The following HNRNPDL variants were observed in gnomAD, a reference collection of about 807,000 sequenced individuals.
HNRNPDL encodes the protein heterogeneous nuclear ribonucleoprotein D like.
In HNRNPDL, 18 loss-of-function variants were observed where a neutral mutation model predicts 48.0. That is an observed-to-expected ratio of 0.38 (90% CI 0.26 to 0.56). The LOEUF is 0.56. HNRNPDL is among the 20% of genes least tolerant of loss of function. The pLI is 0.77. For synonymous variants in HNRNPDL, 306 were observed against 207.3 expected, an observed-to-expected ratio of 1.48 and a Z score of -4.09; for missense variants, 553 against 540.7, an observed-to-expected ratio of 1.02 and a Z score of -0.23.
chr4:82,429,632 G>C lies in HNRNPDL; in HGVS notation c.59C>G (p.Ala20Gly). Residue 20 changes from alanine to glycine, a missense_variant, in exon 1 of 8, where the codon GCT becomes GGT. Around this residue, in one of 4 missense-constraint regions of HNRNPDL, gnomAD observed 327 missense variants for 203.2 expected, o/e 1.61. Transcript: ENST00000295470. ...GGAGAGGCTGCGGGAGGCTAAAGTA[G>C]CGGGAGCGGAGGGGAACAATGGCGG... The part of the protein sequence containing the change: ...VPPPLFPSAP[A>G]TLASRSLSHW... 2 of 1,374,986 alleles carry C rather than the reference G, an allele frequency of 1.5e-6. No homozygotes were observed. Among genetic ancestry groups the C allele is most frequent in the Non-Finnish European group, 1.9e-6 (2 of 1,066,272 alleles). 85.2% of individuals were successfully genotyped at this position (1,374,986 alleles called of 1,614,324 possible). A position where few individuals can be genotyped will look rare whatever the true frequency, so the allele number is the denominator to read the frequency against.
chr4:82,429,233 A>T lies in HNRNPDL; in HGVS notation c.443+15T>A, dbSNP rs779936262. ...GCGCTGGGGGAGGGGGAGCGGGGGA[A>T]GAAGCGTGCGGTACCCGTCATCCTG... On this transcript the variant is annotated intron_variant, in intron 1 of 7. Transcript: ENST00000295470. The T allele has an allele frequency of 3.7e-5, 59 of 1,611,300 alleles. No homozygotes were observed. The highest frequency in any genetic ancestry group is 4.8e-5 in the Non-Finnish European group (56 of 1,178,464).
At position 82,427,922 on chromosome 4, in the gene HNRNPDL, C is replaced by T. The variant is rs928924082; in HGVS notation, c.774+96G>A. On this transcript the variant is annotated intron_variant, in intron 3 of 7. Transcript: ENST00000295470. The stretch of plus-strand genomic sequence containing the variant: ...ACTTGAGCAGTCATTTAATTCTACT[C>T]TTACAGGAAACATGAATCTGCCCTG... The T allele has an allele frequency of 4.9e-5, 60 of 1,217,272 alleles. No homozygotes were observed. The East Asian group carries it at 1.2e-3, about 25-fold the overall frequency. The allele number at this position is 1,217,272 out of a possible 1,614,324, so 75.4% of individuals were successfully genotyped here. A position where few individuals can be genotyped will look rare whatever the true frequency, so the allele number is the denominator to read the frequency against.
intron 7 of HNRNPDL, 85 bp downstream of exon 7, chr4:82,425,952 G>A: frequency 1.1e-6 from 1 of 893,028 alleles, no homozygotes; most frequent in South Asian, 1.4e-5. Flanking sequence ...AGGCTACATA[G>A]TATTTTGTTT....
At chr4:82,427,144 C>A in intron 5 of HNRNPDL, 46 bp downstream of exon 5, 1 of 1,241,168 alleles carries the variant, frequency 8.1e-7, no homozygotes, top group South Asian at 1.2e-5. Flanking sequence ...CAGCAGTATA[C>A]AGCTTAAATA....
rs1247492921 is a variant in HNRNPDL at position 82,427,440 on chromosome 4, G to A, written c.899C>T (p.Ser300Phe). ...LLESRYHQIG[S>F]GKCEIKVAQP... ...GTGCTTAAATGGCTTTACCTTCCCA[G>A]AACCAATTTGATGGTATCTGCTTTC... The change falls in exon 4 of 8, where the codon TCT (serine) becomes TTT (phenylalanine). Residue 300 changes from serine to phenylalanine, a missense_variant. By Grantham distance (155) the Ser-to-Phe change is radical. Transcript: ENST00000295470. 6.9e-6 allele frequency: 11 copies of A among 1,601,780 alleles called. No homozygotes were observed. The highest frequency in any genetic ancestry group is 8.5e-6 in the Non-Finnish European group (10 of 1,176,650).
Position 82,424,150 on chromosome 4 carries a change from T to C in HNRNPDL, c.*756A>G, listed in dbSNP as rs936947555. The C allele has an allele frequency of 3.9e-5, 6 of 152,254 alleles. No individual in the cohort carries two copies. Among genetic ancestry groups the C allele is most frequent in the Admixed American group, 2.0e-4 (3 of 15,292 alleles). The allele number at this position is 152,254 out of a possible 1,614,324, so 9.4% of individuals were successfully genotyped here. ...TACCAGTTTTACAGTGCTCCTTTTG[T>C]ATCTGAACTTTTATCAAGAATTACT... On this transcript the variant is annotated 3_prime_UTR_variant, in exon 8 of 8. Coordinates refer to ENST00000295470, the MANE Select transcript of HNRNPDL (RefSeq NM_031372.4).
At position 82,423,983 on chromosome 4, in the gene HNRNPDL, A is replaced by G. The variant is rs551179434; in HGVS notation, c.*923T>C. The G allele has an allele frequency of 7.2e-5, 11 of 152,320 alleles. No individual in the cohort carries two copies. The East Asian group carries it at 1.5e-3, about 21-fold the overall frequency. The allele number at this position is 152,320 out of a possible 1,614,324, so 9.4% of individuals were successfully genotyped here. On this transcript the variant is annotated 3_prime_UTR_variant, in exon 8 of 8. Transcript: ENST00000295470. ...TCCTCAGGATGCCCAAACAGAAAAC[A>G]TTTTGTTCAATCTTGTGGCGGCTCT...
Position 82,426,468 on chromosome 4 carries a change from T to C in HNRNPDL, c.1187A>G (p.Tyr396Cys), listed in dbSNP as rs771727801. 1 of 1,608,578 alleles carries C rather than the reference T, an allele frequency of 6.2e-7. No individual in the cohort carries two copies. Among genetic ancestry groups the C allele is most frequent in the Non-Finnish European group, 8.5e-7 (1 of 1,175,404 alleles). The change falls in exon 6 of 8, where the codon TAC becomes TGC. Residue 396 changes from tyrosine (Y) to cysteine (C), a missense_variant. Around this residue, in one of 4 missense-constraint regions of HNRNPDL, gnomAD observed 174 missense variants for 204.6 expected, o/e 0.85. Transcript: ENST00000295470. Reference sequence around the variant, plus strand: ...ATTAAGTTAAATATTCTTACCACTGTAGTCTGCATATCCCTGTCCATATCC... The same window carrying C: ...ATTAAGTTAAATATTCTTACCACTGCAGTCTGCATATCCCTGTCCATATCC... ...NYGYGQGYAD[Y>C]SGQQSTYGKA...
Position 82,423,134 on chromosome 4 carries a change from A to T in HNRNPDL, c.*1772T>A, listed in dbSNP as rs574046440. 8 of 152,318 alleles carry T rather than the reference A, an allele frequency of 5.3e-5. No individual in the cohort carries two copies. The highest frequency in any genetic ancestry group is 1.9e-4 in the African/African-American group (8 of 41,568). The allele number at this position is 152,318 out of a possible 1,614,324, so 9.4% of individuals were successfully genotyped here. ...CACTCCCCCTTCAATTCTTTGCAAA[A>T]CATCTCAATCATCTCTAGATGTAGT... On this transcript the variant is annotated 3_prime_UTR_variant, in exon 8 of 8. Coordinates refer to ENST00000295470, the MANE Select transcript of HNRNPDL (RefSeq NM_031372.4).
chr4:82,428,403 C>CT lies in HNRNPDL; in HGVS notation c.486dup (p.Asp163ArgfsTer18). On this transcript the variant is annotated frameshift_variant, in exon 2 of 8. Coordinates refer to ENST00000295470, the MANE Select transcript of HNRNPDL (RefSeq NM_031372.4). LOFTEE classifies it high-confidence loss of function. ...AATCGAGACAAGTACTCTGTCAGAT[C>CT]TTTTTTGCTTGTATCCCAGCTCAAG... 1 of 1,612,412 alleles carries CT rather than the reference C, an allele frequency of 6.2e-7. No homozygotes were observed. Among genetic ancestry groups the CT allele is most frequent in the Non-Finnish European group, 8.5e-7 (1 of 1,178,654 alleles).
chr4:82,429,296 A>C lies in HNRNPDL; in HGVS notation c.395T>G (p.Phe132Cys). The C allele has an allele frequency of 6.2e-7, 1 of 1,613,804 alleles. No individual in the cohort carries two copies. Among genetic ancestry groups the C allele is most frequent in the Non-Finnish European group, 8.5e-7 (1 of 1,179,914 alleles). Residue 132 changes from phenylalanine to cysteine, a missense_variant, in exon 1 of 8, where the codon TTC becomes TGC. Phe to Cys is a radical substitution (Grantham distance 205). Transcript: ENST00000295470. ...CGCGTTGATCTTGGATCCCTCTGCG[A>C]ATTCCTCTATATTGCTGTACTCGTT... is the stretch of plus-strand genomic sequence containing the variant. ...DMNEYSNIEE[F>C]AEGSKINASK...
At chr4:82,429,217 G>C (rs773326362) in intron 1 of HNRNPDL, 31 bp downstream of exon 1, 36 of 1,601,236 alleles carry the variant, frequency 2.2e-5, no homozygotes, top group Non-Finnish European at 2.8e-5. Flanking sequence ...CGCGCTGGGG[G>C]AGGGGGAGCG....
At chr4:82,427,639 T>A in intron 3 of HNRNPDL, 75 bp from the exon 4 acceptor site, 1 of 1,393,402 alleles carries the variant, frequency 7.2e-7, no homozygotes. Context: ...AAAGGCCTTT[T>A]CAGGCTTCAA....
chr4:82,425,952 G>GTATT (rs1374926414), intron 7 of HNRNPDL, 85 bp downstream of exon 7: 15 of 892,910 alleles, frequency 1.7e-5, no homozygotes, highest in Non-Finnish European at 2.2e-5. Flanking sequence ...AGGCTACATA[G>GTATT]TATTTTGTTT....
chr4:82,427,231 G>A lies in HNRNPDL; in HGVS notation c.980C>T (p.Ala327Val), dbSNP rs751792376. ...CGTACCACCTCGTCCACCAGCTGCA[G>A]CACCTCTTCCACCTTTTTGTTGTTG... ...QQQQQKGGRGAAAGGRGGTRG... is the reference protein window; with the variant it reads ...QQQQQKGGRGVAAGGRGGTRG... The change falls in exon 5 of 8, where the codon GCT (alanine) becomes GTT (valine). Residue 327 changes from alanine to valine, a missense_variant. Around this residue, in one of 4 missense-constraint regions of HNRNPDL, gnomAD observed 174 missense variants for 204.6 expected, o/e 0.85. Transcript: ENST00000295470. 2.5e-6 allele frequency: 4 copies of A among 1,613,744 alleles called. No individual in the cohort carries two copies. The African/African-American group carries it at 5.3e-5, about 22-fold the overall frequency.
chr4:82,428,928 G>T (rs886273389), intron 1 of HNRNPDL, among the ~76,000 whole-genome samples: 2 of 152,220 alleles, frequency 1.3e-5, no homozygotes, highest in African/African-American at 4.8e-5. Flanking sequence ...GAGACACAAT[G>T]AAGAGGCGGC....
intron 3 of HNRNPDL, among the ~76,000 whole-genome samples, chr4:82,427,771 C>T (rs1721479542): frequency 6.6e-6 from 1 of 152,284 alleles, no homozygotes; most frequent in African/African-American, 2.4e-5. Flanking sequence ...TTATTTTGTA[C>T]CCAAAGATGC....
At position 82,426,592 on chromosome 4, in the gene HNRNPDL, C is replaced by T; in HGVS notation, c.1063G>A (p.Asp355Asn). 6.2e-7 allele frequency: 1 copy of T among 1,613,762 alleles called. No homozygotes were observed. The highest frequency in any genetic ancestry group is 8.5e-7 in the Non-Finnish European group (1 of 1,179,832). ...CTATTGTAATTTCCATATCCTTGATCATAATAGTTATTAAATCCTTGGTTC... is the reference window on the plus strand; with the variant it reads ...CTATTGTAATTTCCATATCCTTGATTATAATAGTTATTAAATCCTTGGTTC... ...NWNQGFNNYY[D>N]QGYGNYNSAY... Residue 355 changes from aspartate to asparagine, a missense_variant, in exon 6 of 8, where the codon GAT becomes AAT. Asp to Asn is a conservative substitution (Grantham distance 23). Transcript: ENST00000295470.
chr4:82,423,246 A>G lies in HNRNPDL; in HGVS notation c.*1660T>C, dbSNP rs929463341. On this transcript the variant is annotated 3_prime_UTR_variant, in exon 8 of 8. Coordinates refer to ENST00000295470, the MANE Select transcript of HNRNPDL (RefSeq NM_031372.4). Reference sequence around the variant, plus strand: ...GCTTTATTCATTTTTTGATCAGGGAAAAGGACAATCTCAATGTCAACTCGT... The same window carrying G: ...GCTTTATTCATTTTTTGATCAGGGAGAAGGACAATCTCAATGTCAACTCGT... The G allele has an allele frequency of 2.6e-5, 4 of 152,206 alleles. No individual in the cohort carries two copies. The highest frequency in any genetic ancestry group is 6.5e-5 in the Admixed American group (1 of 15,288). 9.4% of individuals were successfully genotyped at this position (152,206 alleles called of 1,614,324 possible).
Sources: gnomAD v4.1 joint callset for allele counts (sites outside exome capture counted in the v4.1 genomes callset) on GRCh38, gnomAD v4.1.1 for gene constraint, gnomAD v4.1.1 regional missense constraint, MANE v1.5 for transcripts, NCBI Gene and HGNC (gene_info 2026-07-23, HGNC 2026-07-21) for gene names.